Variants in NTRK2 observed in about 807,000 individuals in gnomAD.
NTRK2 encodes the protein BDNF/NT-3 growth factors receptor.
A neutral mutation model predicts 94.5 loss-of-function variants in NTRK2; 13 were observed. That is an observed-to-expected ratio of 0.14 (90% CI 0.09 to 0.22). The LOEUF (loss-of-function observed/expected upper bound fraction) is 0.22. NTRK2 is among the 10% of genes least tolerant of loss of function. NTRK2 has a pLI of 1.00. For missense variants in NTRK2, 639 were observed against 1,071.2 expected, an observed-to-expected ratio of 0.60 and a Z score of 5.63; for synonymous variants, 372 against 407.4, an observed-to-expected ratio of 0.91 and a Z score of 1.05.
intron 15 of NTRK2, among the ~76,000 whole-genome samples, chr9:84,939,231 A>T (rs941613269): frequency 6.6e-6 from 1 of 152,168 alleles, no homozygotes; most frequent in Non-Finnish European, 1.5e-5. Flanking sequence ...TTTAGAAATG[A>T]TTGAATCACT....
intron 14 of NTRK2, among the ~76,000 whole-genome samples, chr9:84,928,655 G>A (rs951063742): frequency 6.6e-6 from 1 of 152,124 alleles, no homozygotes; most frequent in Non-Finnish European, 1.5e-5. Flanking sequence ...TCATGTCACT[G>A]TGCCAAGCCT....
At chr9:84,899,786 C>T (rs79719243) in intron 14 of NTRK2, among the ~76,000 whole-genome samples, 4 of 152,204 alleles carry the variant, frequency 2.6e-5, no homozygotes, top group Non-Finnish European at 4.4e-5. Flanking sequence ...GAATGAAAAA[C>T]GTGTCTGGAT....
At chr9:84,705,318 T>G (rs1192884866) in intron 4 of NTRK2, among the ~76,000 whole-genome samples, 1 of 152,138 alleles carries the variant, frequency 6.6e-6, no homozygotes, top group Non-Finnish European at 1.5e-5. Flanking sequence ...CCAGGGACTG[T>G]GAGAAAAGCT....
intron 12 of NTRK2, among the ~76,000 whole-genome samples, chr9:84,797,586 C>CTATATATTATATATAT (rs1564296847): frequency 9.7e-5 from 5 of 51,496 alleles, no homozygotes; most frequent in African/African-American, 4.6e-4. Context: ...ATTATATATA[C>CTATATATTATATATAT]TATATATACT....
intron 14 of NTRK2, among the ~76,000 whole-genome samples, chr9:84,870,331 G>GTA (rs1158637577): frequency 0.055 from 1,729 of 31,172 alleles, 84 homozygotes; most frequent in Middle Eastern, 0.083. Context: ...GTGTGTGTGT[G>GTA]TATATATATA....
chr9:84,907,441 T>C (rs2077105052), intron 14 of NTRK2, among the ~76,000 whole-genome samples: 1 of 152,230 alleles, frequency 6.6e-6, no homozygotes, highest in Non-Finnish European at 1.5e-5. Context: ...TTCCCTATTA[T>C]TACCAGCAGC....
At chr9:84,780,578 C>T (rs2067469787) in intron 12 of NTRK2, among the ~76,000 whole-genome samples, 1 of 152,168 alleles carries the variant, frequency 6.6e-6, no homozygotes, top group Non-Finnish European at 1.5e-5. Flanking sequence ...AGCAGAAGTT[C>T]AAACTTAGGG....
At chr9:84,727,579 C>A in intron 8 of NTRK2, 75 bp from the exon 9 acceptor site, 1 of 1,421,120 alleles carries the variant, frequency 7.0e-7, no homozygotes, top group Non-Finnish European at 9.8e-7. Context: ...AATTCCCTAT[C>A]AATGACACAG....
At chr9:84,898,938 G>A (rs2076844009) in intron 14 of NTRK2, among the ~76,000 whole-genome samples, 1 of 152,098 alleles carries the variant, frequency 6.6e-6, no homozygotes, top group South Asian at 2.1e-4. Flanking sequence ...CTGACCTTAG[G>A]TGATCCACCA....
chr9:85,010,266 G>A (rs1831414285), intron 17 of NTRK2, among the ~76,000 whole-genome samples: 1 of 152,190 alleles, frequency 6.6e-6, no homozygotes, highest in South Asian at 2.1e-4. Flanking sequence ...TCCTAAACCA[G>A]CATAATGCCA....
chr9:84,804,837 A>G (rs189236990), intron 12 of NTRK2, among the ~76,000 whole-genome samples: 14 of 152,332 alleles, frequency 9.2e-5, no homozygotes, highest in Admixed American at 5.9e-4. Context: ...ATTTTTCAAT[A>G]TATGTTTATT....
chr9:84,956,512 A>G (rs1247286668), intron 17 of NTRK2, among the ~76,000 whole-genome samples: 5 of 152,296 alleles, frequency 3.3e-5, no homozygotes, highest in Non-Finnish European at 5.9e-5. Flanking sequence ...CCAACCCTCA[A>G]TTTGATTTTC....
intron 14 of NTRK2, among the ~76,000 whole-genome samples, chr9:84,898,073 T>C (rs1266449473): frequency 1.3e-5 from 2 of 151,376 alleles, no homozygotes; most frequent in Non-Finnish European, 1.5e-5. Context: ...TTTTTTTTTT[T>C]CTATGATATC....
At chr9:84,785,225 C>G (rs1259347511) in intron 12 of NTRK2, among the ~76,000 whole-genome samples, 2 of 152,168 alleles carry the variant, frequency 1.3e-5, no homozygotes, top group Non-Finnish European at 2.9e-5. Flanking sequence ...CTCCTCCCAC[C>G]CTCCATCACA....
chr9:84,887,809 C>T (rs2076463776), intron 14 of NTRK2, among the ~76,000 whole-genome samples: 1 of 152,182 alleles, frequency 6.6e-6, no homozygotes, highest in South Asian at 2.1e-4. Context: ...GAAAAAATCT[C>T]TTAAACTGGG....
chr9:84,883,111 G>GT (rs1287188677), intron 14 of NTRK2, among the ~76,000 whole-genome samples: 1 of 152,116 alleles, frequency 6.6e-6, no homozygotes, highest in African/African-American at 2.4e-5. Context: ...ATCCAAACTG[G>GT]TATCTATCAA....
At position 84,702,250 on chromosome 9, in the gene NTRK2, A is replaced by C; in HGVS notation, c.287+17A>C. 6.2e-7 allele frequency: 1 copy of C among 1,613,668 alleles called. No homozygotes were observed. The highest frequency in any genetic ancestry group is 8.5e-7 in the Non-Finnish European group (1 of 1,179,504). The stretch of plus-strand genomic sequence containing the variant: ...GAGAAATCTGTGAGTACTCAGGACC[A>C]GGGCACATTATCTCAGAGAATTTTC... On this transcript the variant is annotated intron_variant, in intron 3 of 18. Transcript: ENST00000277120.
chr9:84,752,721 A>G (rs1033051006), intron 12 of NTRK2, among the ~76,000 whole-genome samples: 1 of 152,222 alleles, frequency 6.6e-6, no homozygotes, highest in Non-Finnish European at 1.5e-5. Flanking sequence ...TTTTACAGGG[A>G]AAACTTGTAT....
intron 17 of NTRK2, among the ~76,000 whole-genome samples, chr9:84,959,817 G>A (rs1824682350): frequency 6.6e-6 from 1 of 152,174 alleles, no homozygotes; most frequent in South Asian, 2.1e-4. Flanking sequence ...TGGAGACCTA[G>A]GGTCTCACTC....
Sources: gnomAD v4.1 joint callset for allele counts (sites outside exome capture counted in the v4.1 genomes callset) on GRCh38, gnomAD v4.1.1 for gene constraint, MANE v1.5 for transcripts, NCBI Gene and HGNC (gene_info 2026-07-23, HGNC 2026-07-21) for gene names.